BBS5: variants seen among roughly 807,000 people sequenced by gnomAD.
BBS5 encodes the protein BBSome complex member BBS5.
In BBS5, 39 loss-of-function variants were observed where a neutral mutation model predicts 50.2. The observed-to-expected ratio is 0.78, with a 90% confidence interval of 0.60 to 1.01. The LOEUF (loss-of-function observed/expected upper bound fraction) is 1.01, where lower values mean the gene tolerates loss of function less well. BBS5 is among the 50% of genes least tolerant of loss of function. BBS5 has a pLI of 0.00. For missense variants in BBS5, 356 were observed against 401.5 expected (o/e 0.89, Z 0.97); for synonymous variants, 134 against 133.1 (o/e 1.01, Z -0.05).
At chr2:169,488,314 TCA>T (rs1298180267) in intron 5 of BBS5, among the ~76,000 whole-genome samples, 200 bp downstream of exon 5, 1 of 152,218 alleles carries the variant, frequency 6.6e-6, no homozygotes, top group Non-Finnish European at 1.5e-5. Context: ...TATTATATAC[TCA>T]CCATAATGTA....
Position 169,488,029 on chromosome 2 carries a change from T to G in BBS5, c.301T>G (p.Cys101Gly). 6.2e-7 allele frequency: 1 copy of G among 1,613,750 alleles called. No individual in the cohort carries two copies. The highest frequency in any genetic ancestry group is 1.7e-4 in the Middle Eastern group (1 of 6,052). The change falls in exon 5 of 12, where the codon TGT becomes GGT. Residue 101 changes from cysteine to glycine, a missense_variant. Coordinates refer to ENST00000295240, the MANE Select transcript of BBS5 (RefSeq NM_152384.3). ...QTEALYILTK[C>G]NSTRFEFIFT... ...TGAAGCTCTCTATATACTAACAAAA[T>G]GTAACAGTACTCGTTTTGAATTTAT...
At chr2:169,503,650 G>T (rs954528875) in intron 10 of BBS5, among the ~76,000 whole-genome samples, 13 of 152,200 alleles carry the variant, frequency 8.5e-5, no homozygotes, top group Non-Finnish European at 2.9e-5. Context: ...TAATTTTTAT[G>T]AAATGTTCAT....
Position 169,489,851 on chromosome 2 carries a change from CTTTTTTTTTTTTTTTTTTTTTTTTTTTTT to C in BBS5, c.386+1750_386+1778del, listed in dbSNP as rs71003093. ...TATTTTTTGGCTTCTCATAAATTTC[CTTTTTTTTTTTTTTTTTTTTTTTTTTTTT>C]TTTTTTTTTTTTAGAGACAGAGTCT... On this transcript the variant is annotated intron_variant, in intron 5 of 11. Coordinates refer to ENST00000295240, the MANE Select transcript of BBS5 (RefSeq NM_152384.3). Among the ~76,000 whole-genome samples the C allele has an allele frequency of 5.8e-3, 380 of 65,914 alleles. 9 individuals carry two copies. The highest frequency in any genetic ancestry group is 0.03 in the African/African-American group (363 of 12,078). The allele number at this position is 65,914 out of a possible 152,430, so 43.2% of individuals were successfully genotyped here. A position where few individuals can be genotyped will look rare whatever the true frequency, so the allele number is the denominator to read the frequency against.
intron 7 of BBS5, among the ~76,000 whole-genome samples, chr2:169,495,467 T>C (rs989785454): frequency 4.6e-5 from 7 of 152,186 alleles, no homozygotes; most frequent in Non-Finnish European, 1.0e-4. Context: ...ACTTGCAATC[T>C]GATATCATCA....
rs866903124 is a variant in BBS5, at chr2:169,505,609, G to A, written c.*1027G>A. 11 of 248,218 alleles carry A rather than the reference G, an allele frequency of 4.4e-5. No individual in the cohort carries two copies. The highest frequency in any genetic ancestry group is 1.5e-4 in the Admixed American group (3 of 19,586). 15.4% of individuals were successfully genotyped at this position (248,218 alleles called of 1,614,324 possible). ...GTGGGGAGCACCTCTGCCCGGCCGC[G>A]ACCCCATTTGGGAGGTGAGGAGCAA... On this transcript the variant is annotated 3_prime_UTR_variant, in exon 12 of 12. Transcript: ENST00000295240.
chr2:169,490,508 A>G (rs1386575848), intron 5 of BBS5, among the ~76,000 whole-genome samples: 5 of 152,044 alleles, frequency 3.3e-5, no homozygotes, highest in African/African-American at 2.4e-5. Context: ...GAGCCACCGC[A>G]CCCAGCAGGA....
chr2:169,505,029 A>G lies in BBS5; in HGVS notation c.*447A>G, dbSNP rs1683879559. ...GCCGAAGCTGGACTGTACTGCTGCCATCTCTGGCTCACTGCAACCTCCCTG... is the reference window on the plus strand; with the variant it reads ...GCCGAAGCTGGACTGTACTGCTGCCGTCTCTGGCTCACTGCAACCTCCCTG... On this transcript the variant is annotated 3_prime_UTR_variant, in exon 12 of 12. Coordinates refer to ENST00000295240, the MANE Select transcript of BBS5 (RefSeq NM_152384.3). 4.4e-6 allele frequency: 7 copies of G among 1,579,986 alleles called. No homozygotes were observed. The highest frequency in any genetic ancestry group is 4.4e-5 in the South Asian group (4 of 90,502).
In BBS5 at chr2:169,482,326, A is replaced by C; in HGVS notation, c.135A>C (p.Gly45=). 2 of 1,570,024 alleles carry C rather than the reference A, an allele frequency of 1.3e-6. No homozygotes were observed. The highest frequency in any genetic ancestry group is 1.8e-6 in the Non-Finnish European group (2 of 1,140,008). ...DSIEDTKGNN[G]DRGRLLVTNL... ...TTGAAGACACCAAAGGAAATAATGG[A>C]GATAGAGGTGAGTATATTTTTAAAT... Residue 45 remains glycine (G), a synonymous_variant, in exon 2 of 12, where the codon GGA becomes GGC. Transcript: ENST00000295240.
intron 5 of BBS5, 107 bp downstream of exon 5, chr2:169,488,221 C>T (rs1208951303): frequency 9.2e-7 from 1 of 1,082,908 alleles, no homozygotes; most frequent in Non-Finnish European, 1.4e-6. Context: ...TCATGGAAGA[C>T]AGTTTTTCCA....
At chr2:169,485,753 T>C (rs915654703) in intron 2 of BBS5, among the ~76,000 whole-genome samples, 5 of 152,204 alleles carry the variant, frequency 3.3e-5, no homozygotes, top group African/African-American at 1.2e-4. Context: ...GGGTTCCTTG[T>C]ATACTCTGGC....
intron 5 of BBS5, among the ~76,000 whole-genome samples, 191 bp from the exon 6 acceptor site, chr2:169,492,683 G>A (rs552378016): frequency 1.9e-4 from 29 of 152,100 alleles, no homozygotes; most frequent in South Asian, 1.0e-3. Flanking sequence ...GTTTGTGTCC[G>A]GCTTGGGCAA....
chr2:169,505,786 G>A lies in BBS5; in HGVS notation c.*1204G>A, dbSNP rs186068899. The stretch of plus-strand genomic sequence containing the variant: ...GCAGCCACCCTGTCTGGGAAGTGAG[G>A]AGCGTCTCCGCCCGGCAGCCACCCA... On this transcript the variant is annotated 3_prime_UTR_variant, in exon 12 of 12. Transcript: ENST00000295240. The A allele has an allele frequency of 0.037, 6,461 of 174,466 alleles. 162 individuals are homozygous for A. Among genetic ancestry groups the A allele is most frequent in the East Asian group, 0.1 (562 of 5,460 alleles). The allele number at this position is 174,466 out of a possible 1,614,324, so 10.8% of individuals were successfully genotyped here. A position where few individuals can be genotyped will look rare whatever the true frequency, so the allele number is the denominator to read the frequency against.
At chr2:169,503,267 T>C in intron 10 of BBS5, 89 bp downstream of exon 10, 2 of 1,033,614 alleles carry the variant, frequency 1.9e-6, no homozygotes, top group Middle Eastern at 2.0e-4. Flanking sequence ...AAACACCATA[T>C]AACTTGAGAT....
chr2:169,497,356 C>T (rs563067925), intron 7 of BBS5, among the ~76,000 whole-genome samples: 1 of 152,014 alleles, frequency 6.6e-6, no homozygotes, highest in Non-Finnish European at 1.5e-5. Context: ...ATGTTTACTC[C>T]CTGGAAGTGA....
chr2:169,504,933 A>G lies in BBS5; in HGVS notation c.*351A>G. 2 of 1,613,722 alleles carry G rather than the reference A, an allele frequency of 1.2e-6. No individual in the cohort carries two copies. Among genetic ancestry groups the G allele is most frequent in the East Asian group, 2.2e-5 (1 of 44,850 alleles). The stretch of plus-strand genomic sequence containing the variant: ...GGGGACGTTGCGGCCCAGTGGGTGG[A>G]GGTCCAAAGAGGACTGGTGATCTAC... On this transcript the variant is annotated 3_prime_UTR_variant, in exon 12 of 12. Coordinates refer to ENST00000295240, the MANE Select transcript of BBS5 (RefSeq NM_152384.3).
chr2:169,486,102 A>G (rs944249154), intron 2 of BBS5, among the ~76,000 whole-genome samples: 3 of 152,232 alleles, frequency 2.0e-5, no homozygotes, highest in Non-Finnish European at 2.9e-5. Flanking sequence ...AATTTTCCAC[A>G]GTCTCCCTTG....
chr2:169,496,125 C>T (rs967466200), intron 7 of BBS5, among the ~76,000 whole-genome samples: 3 of 152,174 alleles, frequency 2.0e-5, no homozygotes, highest in Admixed American at 2.0e-4. Flanking sequence ...CCAGATTACC[C>T]TTCTCTGGGC....
intron 6 of BBS5, 45 bp downstream of exon 6, chr2:169,493,054 T>C (rs1683629440): frequency 6.2e-7 from 1 of 1,604,794 alleles, no homozygotes; most frequent in South Asian, 1.1e-5. Context: ...AGTGTTTTGG[T>C]AATCATTTTT....
Position 169,493,126 on chromosome 2 carries a change from G to A in BBS5, c.522+117G>A, listed in dbSNP as rs559615741. The stretch of plus-strand genomic sequence containing the variant: ...GTTAAAATTAGCATTATAGGAAAGC[G>A]TATTACTTTTCAATAAGTACAAGTT... On this transcript the variant is annotated intron_variant, in intron 6 of 11. Transcript: ENST00000295240. The A allele has an allele frequency of 1.8e-4, 226 of 1,254,256 alleles. No individual in the cohort carries two copies. The Middle Eastern group carries it at 2.3e-3, about 13-fold the overall frequency. The allele number at this position is 1,254,256 out of a possible 1,614,324, so 77.7% of individuals were successfully genotyped here. A position where few individuals can be genotyped will look rare whatever the true frequency, so the allele number is the denominator to read the frequency against.
Sources: allele counts gnomAD v4.1 joint callset (sites outside exome capture counted in the v4.1 genomes callset), GRCh38; gene constraint gnomAD v4.1.1; transcripts MANE v1.5; gene names NCBI Gene and HGNC (gene_info 2026-07-23, HGNC 2026-07-21).